Variants in AKAP10 observed in about 807,000 individuals in gnomAD.
AKAP10 encodes the protein A-kinase anchoring protein 10, also known as A-kinase anchor protein 10, mitochondrial.
AKAP10 carries 24 observed loss-of-function variants against 80.8 expected under a neutral mutation model. The observed-to-expected ratio is 0.30, with a 90% CI of 0.22 to 0.42. The LOEUF is 0.42. Ranked by LOEUF, AKAP10 falls within the 10% of genes least tolerant of loss-of-function variation. The probability of loss-of-function intolerance (pLI) is 1.00; values close to 1 mark genes in which losing one functional copy is unlikely to be tolerated. For missense variants in AKAP10, 661 were observed against 794.9 expected (o/e 0.83, Z 2.03); for synonymous variants, 291 against 277.7 (o/e 1.05, Z -0.48).
intron 1 of AKAP10, among the ~76,000 whole-genome samples, chr17:19,969,690 AAGTCAATACATCAACTGTTG>A (rs2043470123): frequency 6.6e-6 from 1 of 152,204 alleles, no homozygotes; most frequent in Non-Finnish European, 1.5e-5. Context: ...TATCTGGATG[AAGTCAATACATCAACTGTTG>A]AGTGCTTGGT....
intron 1 of AKAP10, among the ~76,000 whole-genome samples, chr17:19,973,919 T>C (rs947809736): frequency 8.5e-5 from 13 of 152,160 alleles, no homozygotes; most frequent in African/African-American, 2.7e-4. Flanking sequence ...AATCCAAAAA[T>C]GCAGCCGGGA....
chr17:19,928,736 G>A (rs2042901234), intron 10 of AKAP10, among the ~76,000 whole-genome samples: 1 of 152,064 alleles, frequency 6.6e-6, no homozygotes, highest in African/African-American at 2.4e-5. Context: ...TGGGCGTGGT[G>A]GTGCGTGCCT....
chr17:19,974,366 T>C (rs761276228), intron 1 of AKAP10, among the ~76,000 whole-genome samples: 2 of 152,300 alleles, frequency 1.3e-5, no homozygotes, highest in African/African-American at 4.8e-5. Context: ...CAACACAAAT[T>C]CGTAAACTTT....
At chr17:19,951,703 C>A (rs1435867228) in intron 4 of AKAP10, among the ~76,000 whole-genome samples, 2 of 151,978 alleles carry the variant, frequency 1.3e-5, no homozygotes, top group South Asian at 2.1e-4. Context: ...GCAGCATGCT[C>A]GTTAAGAGTC....
At chr17:19,907,024 G>GT (rs771422153) in intron 14 of AKAP10, among the ~76,000 whole-genome samples, 2,503 of 138,648 alleles carry the variant, frequency 0.018, 39 homozygotes, top group Middle Eastern at 0.029. Flanking sequence ...GTTTTTTTTT[G>GT]TTTTTTTTTT....
intron 11 of AKAP10, among the ~76,000 whole-genome samples, chr17:19,921,748 T>C (rs552531126): frequency 6.6e-6 from 1 of 152,180 alleles, no homozygotes; most frequent in East Asian, 1.9e-4. Flanking sequence ...AAAGAGATCC[T>C]CTGTAATACT....
At chr17:19,946,245 A>AT (rs1567765611) in intron 5 of AKAP10, among the ~76,000 whole-genome samples, 1 of 13,828 alleles carries the variant, frequency 7.2e-5, no homozygotes, top group Admixed American at 1.1e-3. Flanking sequence ...TATTATATAT[A>AT]TATATATATA....
intron 4 of AKAP10, among the ~76,000 whole-genome samples, chr17:19,956,797 G>T (rs2043281769): frequency 6.6e-6 from 1 of 152,080 alleles, no homozygotes; most frequent in African/African-American, 2.4e-5. Flanking sequence ...TTGAGGTCAG[G>T]AGTTCAAGAT....
intron 10 of AKAP10, among the ~76,000 whole-genome samples, chr17:19,928,133 G>A (rs375554499): frequency 1.7e-4 from 26 of 152,194 alleles, no homozygotes; most frequent in Non-Finnish European, 3.5e-4. Flanking sequence ...GCTGAGGCAG[G>A]AGAATCACTT....
intron 12 of AKAP10, among the ~76,000 whole-genome samples, chr17:19,916,582 A>G (rs2042744490): frequency 6.6e-6 from 1 of 152,096 alleles, no homozygotes; most frequent in Non-Finnish European, 1.5e-5. Context: ...GCTAACACAT[A>G]TACATATGAA....
rs1450725481 is a variant in AKAP10, at chr17:19,928,478, CA to C, written c.1641+3326del. Among the ~76,000 whole-genome samples, 12 of 152,138 alleles carry C rather than the reference CA, an allele frequency of 7.9e-5. No homozygotes were observed. The South Asian group carries it at 8.3e-4, about 10-fold the overall frequency. On this transcript the variant is annotated intron_variant, in intron 10 of 14. Coordinates refer to ENST00000225737, the MANE Select transcript of AKAP10 (RefSeq NM_007202.4). Reference sequence around the variant, plus strand: ...AACTCATACACTGCTGGTGGGATTGCAAAATGGTGCAGCCTTTTCGGAAAAC... The same window carrying C: ...AACTCATACACTGCTGGTGGGATTGCAAATGGTGCAGCCTTTTCGGAAAAC...
At position 19,950,541 on chromosome 17, in the gene AKAP10, C is replaced by T. The variant is rs1187034575; in HGVS notation, c.878-3036G>A. Among the ~76,000 whole-genome samples the T allele has an allele frequency of 3.3e-5, 5 of 152,376 alleles. No individual in the cohort carries two copies. The East Asian group carries it at 9.7e-4, about 29-fold the overall frequency. The stretch of plus-strand genomic sequence containing the variant: ...GGCCGGGCTGGTCTCCAGCTCCTGA[C>T]CGCGAGTGATCTGCCTGCCTCGGCC... On this transcript the variant is annotated intron_variant, in intron 4 of 14. Transcript: ENST00000225737.
intron 1 of AKAP10, among the ~76,000 whole-genome samples, chr17:19,969,523 T>A (rs761676727): frequency 2.8e-4 from 42 of 151,580 alleles, no homozygotes; most frequent in Non-Finnish European, 5.6e-4. Context: ...AGACTATTTT[T>A]AACCCTCTTT....
At chr17:19,917,586 C>G (rs2042759706) in intron 12 of AKAP10, among the ~76,000 whole-genome samples, 1 of 152,214 alleles carries the variant, frequency 6.6e-6, no homozygotes, top group African/African-American at 2.4e-5. Context: ...AACACTCCTT[C>G]CATCTCAGTC....
intron 6 of AKAP10, 104 bp downstream of exon 6, chr17:19,941,722 T>C (rs2043052356): frequency 1.3e-6 from 1 of 766,268 alleles, no homozygotes; most frequent in Non-Finnish European, 1.8e-6. Context: ...ATCCAAAATA[T>C]TTAAATTCTC....
intron 5 of AKAP10, among the ~76,000 whole-genome samples, chr17:19,946,925 G>A (rs967834774): frequency 5.3e-5 from 8 of 152,320 alleles, no homozygotes; most frequent in East Asian, 1.9e-4. Flanking sequence ...GCCCTGAGAC[G>A]GAGAGGCCAC....
chr17:19,949,328 A>G (rs539132552), intron 4 of AKAP10, among the ~76,000 whole-genome samples: 1 of 152,266 alleles, frequency 6.6e-6, no homozygotes, highest in Admixed American at 6.5e-5. Flanking sequence ...TTGAAGACAG[A>G]TGAATAGAAA....
At chr17:19,975,285 C>T (rs1238712431) in intron 1 of AKAP10, among the ~76,000 whole-genome samples, 1 of 152,196 alleles carries the variant, frequency 6.6e-6, no homozygotes, top group African/African-American at 2.4e-5. Flanking sequence ...TCCTAAAATA[C>T]TGGGATTACA....
intron 1 of AKAP10, among the ~76,000 whole-genome samples, chr17:19,974,847 T>C (rs555928134): frequency 7.9e-5 from 12 of 152,126 alleles, no homozygotes; most frequent in African/African-American, 2.9e-4. Flanking sequence ...ATTTATTTTT[T>C]CTTTTTGTAG....
Sources: gnomAD v4.1 joint callset for allele counts (sites outside exome capture counted in the v4.1 genomes callset) on GRCh38, gnomAD v4.1.1 for gene constraint, MANE v1.5 for transcripts, NCBI Gene and HGNC (gene_info 2026-07-23, HGNC 2026-07-21) for gene names.